Variants in FMN2 observed in about 807,000 individuals in gnomAD.
FMN2 encodes the protein formin 2.
Under a neutral mutation model 142.3 loss-of-function variants are expected in FMN2, and 51 were observed. That is an observed-to-expected ratio of 0.36 (90% CI 0.29 to 0.45). The LOEUF (loss-of-function observed/expected upper bound fraction) is 0.45. Ranked by LOEUF, FMN2 falls within the 20% of genes least tolerant of loss-of-function variation. The pLI is 1.00. For synonymous variants in FMN2, 882 were observed against 869.8 expected (o/e 1.01, Z -0.25); for missense variants, 1,936 against 2,122.8 (o/e 0.91, Z 1.73).
At chr1:240,127,914 A>G (rs1400810447) in intron 2 of FMN2, among the ~76,000 whole-genome samples, 2 of 152,120 alleles carry the variant, frequency 1.3e-5, no homozygotes, top group Admixed American at 1.3e-4. Flanking sequence ...GGAGATGAAG[A>G]CCAGTTAGTA....
intron 14 of FMN2, among the ~76,000 whole-genome samples, chr1:240,372,806 T>C (rs1672916585): frequency 1.3e-5 from 2 of 152,162 alleles, no homozygotes; most frequent in Admixed American, 6.5e-5. Flanking sequence ...ACAGTTACAT[T>C]TATGCTATAC....
intron 14 of FMN2, among the ~76,000 whole-genome samples, chr1:240,365,375 A>G (rs1435047550): frequency 1.3e-5 from 2 of 152,026 alleles, no homozygotes; most frequent in African/African-American, 4.8e-5. Context: ...CATGCTCTAT[A>G]TGTCTTTCTG....
rs1490244976 is a variant in FMN2 at position 240,228,328 on chromosome 1, AAAAAG to A, written c.4065+17098_4065+17102del. Among the ~76,000 whole-genome samples, 240 of 66,374 alleles carry A rather than the reference AAAAAG, an allele frequency of 3.6e-3. 5 individuals are homozygous for A. The highest frequency in any genetic ancestry group is 5.2e-3 in the Non-Finnish European group (192 of 36,950). 43.5% of individuals were successfully genotyped at this position (66,374 alleles called of 152,430 possible). A position where few individuals can be genotyped will look rare whatever the true frequency, so the allele number is the denominator to read the frequency against. On this transcript the variant is annotated intron_variant, in intron 6 of 17. Transcript: ENST00000319653. Reference sequence around the variant, plus strand: ...CAAAAAAAAAAAAAAAAAAAAAAAAAAAAAGAAAAAGAAAAAGAAAAAGAAAGAAA... The same window carrying A: ...CAAAAAAAAAAAAAAAAAAAAAAAAAAAAAAGAAAAAGAAAAAGAAAGAAA...
At chr1:240,097,431 C>T (rs1242593224) in intron 1 of FMN2, among the ~76,000 whole-genome samples, 1 of 151,534 alleles carries the variant, frequency 6.6e-6, no homozygotes, top group African/African-American at 2.4e-5. Flanking sequence ...CTTCTGCTCA[C>T]TGCAAGCTCC....
intron 5 of FMN2, 147 bp downstream of exon 5, chr1:240,208,879 C>T (rs1666564333): frequency 1.9e-6 from 2 of 1,037,846 alleles, no homozygotes; most frequent in Non-Finnish European, 2.7e-6. Flanking sequence ...TATAGTGCAG[C>T]AGTTTGCTAT....
At chr1:240,270,844 A>T (rs1312092166) in intron 7 of FMN2, among the ~76,000 whole-genome samples, 1 of 151,906 alleles carries the variant, frequency 6.6e-6, no homozygotes, top group Non-Finnish European at 1.5e-5. Flanking sequence ...AGGGGACAGG[A>T]TGGATGGGGA....
chr1:240,285,114 C>T (rs928069107), intron 7 of FMN2: 4 of 380,048 alleles, frequency 1.1e-5, no homozygotes, highest in African/African-American at 6.3e-5. Context: ...TTTGAAGAAA[C>T]ATTTTGTTCA....
chr1:240,148,971 C>CAA (rs57556688), intron 2 of FMN2, among the ~76,000 whole-genome samples: 43 of 143,896 alleles, frequency 3.0e-4, no homozygotes, highest in East Asian at 2.2e-3. Context: ...GACTCCGTCT[C>CAA]AAAAAAAAAT....
At chr1:240,388,220 C>T (rs1413446085) in intron 14 of FMN2, among the ~76,000 whole-genome samples, 3 of 18,482 alleles carry the variant, frequency 1.6e-4, no homozygotes, top group African/African-American at 1.0e-3. Flanking sequence ...AAACGTGGTG[C>T]TCAAAGCAAA....
intron 2 of FMN2, among the ~76,000 whole-genome samples, chr1:240,139,835 G>C (rs949614973): frequency 1.3e-5 from 2 of 152,130 alleles, no homozygotes; most frequent in East Asian, 1.9e-4. Context: ...TAGATGTATC[G>C]GAAGGTTAGT....
chr1:240,140,941 TGTCCAAAATAGCTTTGACAGA>T (rs1463852166), intron 2 of FMN2, among the ~76,000 whole-genome samples: 4 of 152,230 alleles, frequency 2.6e-5, no homozygotes, highest in Non-Finnish European at 4.4e-5. Flanking sequence ...GTGACTTTTC[TGTCCAAAATAGCTTTGACAGA>T]GCCAGAATCT....
At chr1:240,375,547 A>C (rs937962197) in intron 14 of FMN2, among the ~76,000 whole-genome samples, 1 of 152,188 alleles carries the variant, frequency 6.6e-6, no homozygotes, top group African/African-American at 2.4e-5. Context: ...GCATTTAGGA[A>C]TATTTGTTGC....
At chr1:240,209,826 C>T (rs1246535008) in intron 5 of FMN2, among the ~76,000 whole-genome samples, 1 of 151,736 alleles carries the variant, frequency 6.6e-6, no homozygotes, top group Non-Finnish European at 1.5e-5. Flanking sequence ...ATGGCATGAA[C>T]CCGGGAGGCG....
chr1:240,165,050 A>T (rs1664425271), intron 2 of FMN2, among the ~76,000 whole-genome samples: 1 of 152,082 alleles, frequency 6.6e-6, no homozygotes, highest in African/African-American at 2.4e-5. Flanking sequence ...TGAATGCACT[A>T]ATTTTTTATT....
intron 3 of FMN2, among the ~76,000 whole-genome samples, chr1:240,181,428 CT>C (rs2103330568): frequency 6.6e-6 from 1 of 152,300 alleles, no homozygotes; most frequent in African/African-American, 2.4e-5. Flanking sequence ...CTCACTTTAA[CT>C]TTTTCACGAT....
At chr1:240,430,275 A>C (rs1320984763) in intron 15 of FMN2, among the ~76,000 whole-genome samples, 2 of 152,188 alleles carry the variant, frequency 1.3e-5, no homozygotes, top group Non-Finnish European at 2.9e-5. Context: ...CATGTTATAC[A>C]TATATAAATT....
chr1:240,149,046 G>A (rs1274426218), intron 2 of FMN2, among the ~76,000 whole-genome samples: 1 of 151,952 alleles, frequency 6.6e-6, no homozygotes, highest in Non-Finnish European at 1.5e-5. Context: ...GTACTCATAA[G>A]CCTAAACCCC....
intron 13 of FMN2, among the ~76,000 whole-genome samples, chr1:240,344,330 T>G (rs892131335): frequency 1.3e-5 from 2 of 152,252 alleles, no homozygotes; most frequent in Non-Finnish European, 2.9e-5. Flanking sequence ...TGTCATTCCA[T>G]GATTTCCTTC....
At chr1:240,308,530 G>A (rs931811278) in intron 8 of FMN2, among the ~76,000 whole-genome samples, 5 of 152,106 alleles carry the variant, frequency 3.3e-5, no homozygotes, top group Admixed American at 6.5e-5. Context: ...GGACGAGGAC[G>A]GGGCTTTACT....
Sources: allele counts gnomAD v4.1 joint callset (sites outside exome capture counted in the v4.1 genomes callset), GRCh38; gene constraint gnomAD v4.1.1; transcripts MANE v1.5; gene names NCBI Gene and HGNC (gene_info 2026-07-23, HGNC 2026-07-21).